AGAP5: variants seen among roughly 807,000 people sequenced by gnomAD.
AGAP5 encodes ArfGAP with GTPase domain, ankyrin repeat and PH domain 5.
In AGAP5, 8 loss-of-function variants were observed where a neutral mutation model predicts 27.7. That is an observed-to-expected ratio of 0.29 (90% CI 0.17 to 0.52). The LOEUF (loss-of-function observed/expected upper bound fraction) is 0.52. Ranked by LOEUF, AGAP5 falls within the 20% of genes least tolerant of loss-of-function variation. The pLI, the probability that AGAP5 is intolerant of heterozygous loss-of-function variation, is 0.97. For synonymous variants in AGAP5, 111 were observed against 338.0 expected (o/e 0.33, Z 7.37); for missense variants, 285 against 880.8 (o/e 0.32, Z 8.56).
intron 2 of AGAP5, among the ~76,000 whole-genome samples, chr10:73,696,387 C>T (rs1280300364): frequency 3.9e-5 from 6 of 152,274 alleles, no homozygotes; most frequent in South Asian, 4.1e-4. Flanking sequence ...GGGGGAGCCA[C>T]GGCAACAAAC....
intron 3 of AGAP5, among the ~76,000 whole-genome samples, chr10:73,693,869 G>A (rs562875442): frequency 4.6e-5 from 7 of 152,104 alleles, no homozygotes; most frequent in African/African-American, 9.6e-5. Flanking sequence ...GAAAATCTTT[G>A]AGCCAATTAA....
At chr10:73,687,646 T>A (rs749618010) in intron 4 of AGAP5, among the ~76,000 whole-genome samples, 10 of 152,186 alleles carry the variant, frequency 6.6e-5, no homozygotes, top group Non-Finnish European at 1.2e-4. Context: ...ATACATACAT[T>A]AATTTAAAAA....
At chr10:73,686,288 T>TA (rs1261792172) in intron 4 of AGAP5, among the ~76,000 whole-genome samples, 2 of 152,188 alleles carry the variant, frequency 1.3e-5, no homozygotes, top group African/African-American at 4.8e-5. Context: ...CAAAGCCACC[T>TA]AAAACATAAA....
At chr10:73,688,961 T>TCTGCCTCTG (rs1315499578) in intron 4 of AGAP5, among the ~76,000 whole-genome samples, 2 of 152,104 alleles carry the variant, frequency 1.3e-5, no homozygotes, top group South Asian at 2.1e-4. Context: ...CTCTGTCTCC[T>TCTGCCTCTG]CTGCCTCTGC....
intron 4 of AGAP5, among the ~76,000 whole-genome samples, chr10:73,689,159 G>A (rs1236572770): frequency 3.3e-5 from 5 of 152,254 alleles, no homozygotes; most frequent in African/African-American, 1.2e-4. Flanking sequence ...ACTGGTGTTC[G>A]TATTTTTTTG....
In AGAP5 at chr10:73,697,356, A is replaced by G. The variant is rs1376588868; in HGVS notation, c.223+177T>C. ...GAAAAGAAACTGACTGGACTCGGTGAGGAAAGACTAAGGGGTGGGAATTCA... is the reference window on the plus strand; with the variant it reads ...GAAAAGAAACTGACTGGACTCGGTGGGGAAAGACTAAGGGGTGGGAATTCA... On this transcript the variant is annotated intron_variant, in intron 1 of 7. Transcript: ENST00000374094. Among the ~76,000 whole-genome samples the G allele has an allele frequency of 4.6e-5, 7 of 151,966 alleles. No homozygotes were observed. The East Asian group carries it at 1.4e-3, about 30-fold the overall frequency.
At position 73,694,928 on chromosome 10, in the gene AGAP5, A is replaced by G; in HGVS notation, c.293-124T>C. The G allele has an allele frequency of 1.3e-6, 2 of 1,539,402 alleles. 1 individual carries two copies. Among genetic ancestry groups the G allele is most frequent in the Non-Finnish European group, 1.8e-6 (2 of 1,139,362 alleles). ...TCTACTTTGATTCTTATACATTGAA[A>G]TGAATGTATAGACATAAGATAGAGC... On this transcript the variant is annotated intron_variant, in intron 2 of 7. Transcript: ENST00000374094.
intron 6 of AGAP5, among the ~76,000 whole-genome samples, chr10:73,678,914 C>T (rs1472996071): frequency 1.3e-4 from 19 of 151,736 alleles, no homozygotes; most frequent in South Asian, 2.1e-4. Context: ...GGTGCAATGG[C>T]GAGATCTCGG....
At chr10:73,688,942 C>T (rs1778504605) in intron 4 of AGAP5, among the ~76,000 whole-genome samples, 1 of 152,138 alleles carries the variant, frequency 6.6e-6, no homozygotes. Flanking sequence ...CCTCTGCCTC[C>T]TCTGCCTCCT....
intron 4 of AGAP5, among the ~76,000 whole-genome samples, chr10:73,687,657 G>T (rs1310596418): frequency 6.6e-6 from 1 of 152,096 alleles, no homozygotes; most frequent in South Asian, 2.1e-4. Flanking sequence ...AATTTAAAAA[G>T]TTCTCTGCCT....
At chr10:73,691,649 C>T (rs1262257408) in intron 4 of AGAP5, among the ~76,000 whole-genome samples, 5 of 152,060 alleles carry the variant, frequency 3.3e-5, no homozygotes, top group Admixed American at 2.0e-4. Flanking sequence ...TGCACCACCA[C>T]GCCCGGCTAC....
intron 6 of AGAP5, among the ~76,000 whole-genome samples, chr10:73,678,173 T>C (rs1231621573): frequency 6.6e-6 from 1 of 152,176 alleles, no homozygotes; most frequent in Non-Finnish European, 1.5e-5. Context: ...GCAGATGGCC[T>C]GAGCTCCTTC....
At chr10:73,689,721 C>A (rs1451758836) in intron 4 of AGAP5, among the ~76,000 whole-genome samples, 34 of 151,276 alleles carry the variant, frequency 2.2e-4, no homozygotes, top group African/African-American at 7.5e-4. Flanking sequence ...GCAACCGCCC[C>A]GTCTGAGAAG....
At chr10:73,678,955 G>A (rs1331543843) in intron 6 of AGAP5, among the ~76,000 whole-genome samples, 1 of 151,468 alleles carries the variant, frequency 6.6e-6, no homozygotes, top group Admixed American at 6.6e-5. Flanking sequence ...CCAGGCTCAA[G>A]CGATTCTCCT....
At chr10:73,688,819 G>T (rs1342881060) in intron 4 of AGAP5, among the ~76,000 whole-genome samples, 2 of 152,128 alleles carry the variant, frequency 1.3e-5, no homozygotes, top group East Asian at 1.9e-4. Context: ...GAACCTTAGA[G>T]AGAGAGATTC....
chr10:73,674,385 G>A lies in AGAP5; in HGVS notation c.*214C>T. ...TGTGACTTGGGCAATGTGGCCAGGA[G>A]GGCCTGAGACTAACACATCCACCTT... On this transcript the variant is annotated 3_prime_UTR_variant, in exon 8 of 8. Coordinates refer to ENST00000374094, the MANE Select transcript of AGAP5 (RefSeq NM_001144000.4). 4 of 635,780 alleles carry A rather than the reference G, an allele frequency of 6.3e-6. No individual in the cohort carries two copies. The highest frequency in any genetic ancestry group is 1.1e-5 in the Non-Finnish European group (4 of 357,934). 39.4% of individuals were successfully genotyped at this position (635,780 alleles called of 1,614,324 possible).
rs1183445618 is a variant in AGAP5 at position 73,690,606 on chromosome 10, T to TA, written c.396+1436dup. Among the ~76,000 whole-genome samples, 615 of 114,974 alleles carry TA rather than the reference T, an allele frequency of 5.3e-3. 4 individuals are homozygous for TA. Among genetic ancestry groups the TA allele is most frequent in the East Asian group, 0.013 (34 of 2,678 alleles). 75.4% of individuals were successfully genotyped at this position (114,974 alleles called of 152,430 possible). Reference sequence around the variant, plus strand: ...CGAGAAACACCCAAGAATGATCAATTAAAAAAAAAAAAAAAAAAAGAGCAC... The same window carrying TA: ...CGAGAAACACCCAAGAATGATCAATTAAAAAAAAAAAAAAAAAAAAGAGCAC... On this transcript the variant is annotated intron_variant, in intron 4 of 7. Transcript: ENST00000374094.
intron 4 of AGAP5, among the ~76,000 whole-genome samples, chr10:73,691,147 CG>C: frequency 6.6e-6 from 1 of 152,196 alleles, no homozygotes; most frequent in African/African-American, 2.4e-5. Context: ...GATAAACTAA[CG>C]TAGGCTAGGA....
Position 73,697,397 on chromosome 10 carries a change from T to G in AGAP5, c.223+136A>C, listed in dbSNP as rs2082169700. The G allele has an allele frequency of 2.5e-6, 4 of 1,572,390 alleles. No individual in the cohort carries two copies. The African/African-American group carries it at 5.4e-5, about 21-fold the overall frequency. ...TGGGAATTCAAGGCAGAGCCAGCTT[T>G]TGTTCCTGGCCAGCCCCCGGGAAAG... On this transcript the variant is annotated intron_variant, in intron 1 of 7. Coordinates refer to ENST00000374094, the MANE Select transcript of AGAP5 (RefSeq NM_001144000.4).
Sources: allele counts gnomAD v4.1 joint callset (sites outside exome capture counted in the v4.1 genomes callset), GRCh38; gene constraint gnomAD v4.1.1; transcripts MANE v1.5; gene names NCBI Gene and HGNC (gene_info 2026-07-23, HGNC 2026-07-21).